TMEM72: variants seen among roughly 807,000 people sequenced by gnomAD.
The protein encoded by TMEM72 is transmembrane protein 72, also known as kidney-specific secretory protein of 37 kDa.
A neutral mutation model predicts 16.3 loss-of-function variants in TMEM72; 9 were observed. The observed-to-expected ratio is 0.55, with a 90% confidence interval of 0.33 to 0.96. The LOEUF (loss-of-function observed/expected upper bound fraction) is 0.96. Among genes scored for constraint, TMEM72 ranks in the 40% least tolerant of loss-of-function variants. The pLI, the probability that TMEM72 is intolerant of heterozygous loss-of-function variation, is 0.03. For synonymous variants in TMEM72, 160 were observed against 146.5 expected (o/e 1.09, Z -0.66); for missense variants, 324 against 337.8 (o/e 0.96, Z 0.32).
rs558686130 is a variant in TMEM72 at position 44,928,258 on chromosome 10, C to T, written c.137+271C>T. ...TCCATCCATCTGCCCATCCATTCGT[C>T]AGCCCACCCATCCATCCACTCACCC... On this transcript the variant is annotated intron_variant, in intron 2 of 4. Transcript: ENST00000389583. Among the ~76,000 whole-genome samples the T allele has an allele frequency of 3.6e-3, 543 of 151,804 alleles. 1 individual carries two copies. The highest frequency in any genetic ancestry group is 5.9e-3 in the Non-Finnish European group (402 of 67,916).
At chr10:44,933,144 G>C (rs540238688) in intron 3 of TMEM72, among the ~76,000 whole-genome samples, 1 of 152,226 alleles carries the variant, frequency 6.6e-6, no homozygotes, top group Non-Finnish European at 1.5e-5. Context: ...TATACAGTTA[G>C]AAAAGAAGCC....
chr10:44,933,491 A>C, intron 3 of TMEM72, 146 bp from the exon 4 acceptor site: 1 of 1,120,586 alleles, frequency 8.9e-7, no homozygotes, highest in Non-Finnish European at 1.2e-6. Context: ...TGTGGAACCC[A>C]CACCAAGGAC....
At chr10:44,924,805 C>G (rs1015192424) in intron 1 of TMEM72, among the ~76,000 whole-genome samples, 1 of 152,248 alleles carries the variant, frequency 6.6e-6, no homozygotes, top group East Asian at 1.9e-4. Flanking sequence ...CCTGGCTCCC[C>G]ACACTCTCCT....
At chr10:44,917,196 T>A (rs7923091) in intron 1 of TMEM72, among the ~76,000 whole-genome samples, 8 of 152,016 alleles carry the variant, frequency 5.3e-5, no homozygotes, top group Non-Finnish European at 1.2e-4. Context: ...CCTGGGACAA[T>A]CACTGTATCT....
At chr10:44,927,170 C>T (rs144030052) in intron 1 of TMEM72, among the ~76,000 whole-genome samples, 1 of 152,180 alleles carries the variant, frequency 6.6e-6, no homozygotes, top group Admixed American at 6.5e-5. Context: ...GTCAGCAGGC[C>T]GATGCACTGC....
intron 1 of TMEM72, chr10:44,923,025 A>G (rs1175684635): frequency 6.6e-6 from 1 of 152,306 alleles, no homozygotes; most frequent in African/African-American, 2.4e-5. Flanking sequence ...TCATTTGATT[A>G]TACTCAAAAC....
chr10:44,917,028 C>G (rs1191614516), intron 1 of TMEM72, among the ~76,000 whole-genome samples: 1 of 152,086 alleles, frequency 6.6e-6, no homozygotes, highest in Non-Finnish European at 1.5e-5. Context: ...GTCCTGCATC[C>G]CCAGTCCTGA....
In TMEM72 at chr10:44,911,378, TG is replaced by T. The variant is rs1480608932; in HGVS notation, c.-133del. The T allele has an allele frequency of 1.2e-6, 1 of 859,108 alleles. No individual in the cohort carries two copies. Among genetic ancestry groups the T allele is most frequent in the East Asian group, 2.7e-5 (1 of 37,208 alleles). 53.2% of individuals were successfully genotyped at this position (859,108 alleles called of 1,614,324 possible). A position where few individuals can be genotyped will look rare whatever the true frequency, so the allele number is the denominator to read the frequency against. Reference sequence around the variant, plus strand: ...TCGGCCAGGCTGCGGTGGCCAGGACTGGTTTGGGAAGGCAGGGCCCCGGTGT... The same window carrying T: ...TCGGCCAGGCTGCGGTGGCCAGGACTGTTTGGGAAGGCAGGGCCCCGGTGT... On this transcript the variant is annotated 5_prime_UTR_variant, in exon 1 of 5. Coordinates refer to ENST00000389583, the MANE Select transcript of TMEM72 (RefSeq NM_001123376.3).
chr10:44,912,834 T>C (rs1051585492), intron 1 of TMEM72, among the ~76,000 whole-genome samples: 3 of 152,248 alleles, frequency 2.0e-5, no homozygotes, highest in South Asian at 4.1e-4. Context: ...ATCTAGGCCA[T>C]GAGTTAGATC....
Position 44,935,423 on chromosome 10 carries a change from C to T in TMEM72, c.*289C>T. On this transcript the variant is annotated 3_prime_UTR_variant, in exon 5 of 5. Transcript: ENST00000389583. ...CCCAACAAGACCATCACTGCCACTGCGCACGAGGCTGCAGGTGCCATTGAC... is the reference window on the plus strand; with the variant it reads ...CCCAACAAGACCATCACTGCCACTGTGCACGAGGCTGCAGGTGCCATTGAC... 1 of 366,270 alleles carries T rather than the reference C, an allele frequency of 2.7e-6. No homozygotes were observed. The highest frequency in any genetic ancestry group is 4.9e-6 in the Non-Finnish European group (1 of 203,606). 22.7% of individuals were successfully genotyped at this position (366,270 alleles called of 1,614,324 possible).
At chr10:44,925,463 T>C (rs1403061897) in intron 1 of TMEM72, among the ~76,000 whole-genome samples, 1 of 152,216 alleles carries the variant, frequency 6.6e-6, no homozygotes, top group Non-Finnish European at 1.5e-5. Context: ...AATGCAGGCA[T>C]CAGCCTGGAG....
chr10:44,935,387 C>T lies in TMEM72; in HGVS notation c.*253C>T, dbSNP rs1014727683. 9.1e-6 allele frequency: 4 copies of T among 440,962 alleles called. No homozygotes were observed. Among genetic ancestry groups the T allele is most frequent in the Non-Finnish European group, 1.6e-5 (4 of 249,246 alleles). The allele number at this position is 440,962 out of a possible 1,614,324, so 27.3% of individuals were successfully genotyped here. A position where few individuals can be genotyped will look rare whatever the true frequency, so the allele number is the denominator to read the frequency against. On this transcript the variant is annotated 3_prime_UTR_variant, in exon 5 of 5. Transcript: ENST00000389583. The stretch of plus-strand genomic sequence containing the variant: ...TCCTCCTGGCCACAGGTGGGGAAAC[C>T]CTTATGCTTCCCCAACAAGACCATC...
chr10:44,929,593 CG>C (rs1274962577), intron 2 of TMEM72, among the ~76,000 whole-genome samples: 5 of 152,242 alleles, frequency 3.3e-5, no homozygotes, highest in Admixed American at 1.3e-4. Flanking sequence ...CTCCCAGATG[CG>C]GTTCAGCCTC....
chr10:44,921,510 G>A (rs868494610), intron 1 of TMEM72, among the ~76,000 whole-genome samples: 1 of 152,220 alleles, frequency 6.6e-6, no homozygotes, highest in Non-Finnish European at 1.5e-5. Flanking sequence ...TCTGCGGGTA[G>A]CAGGGCCTTT....
chr10:44,916,781 T>C (rs574646058), intron 1 of TMEM72, among the ~76,000 whole-genome samples: 1 of 152,222 alleles, frequency 6.6e-6, no homozygotes, highest in African/African-American at 2.4e-5. Context: ...CAACAGGCAA[T>C]AGGATTTGGT....
At chr10:44,926,420 C>T (rs888537181) in intron 1 of TMEM72, among the ~76,000 whole-genome samples, 17 of 152,192 alleles carry the variant, frequency 1.1e-4, no homozygotes, top group African/African-American at 3.9e-4. Context: ...GAGAGTGGGA[C>T]TCCTGTGCCA....
intron 1 of TMEM72, among the ~76,000 whole-genome samples, chr10:44,912,805 G>A (rs899937194): frequency 6.6e-6 from 1 of 152,188 alleles, no homozygotes; most frequent in Non-Finnish European, 1.5e-5. Context: ...CCGTGAGCTG[G>A]CCAGTGGGCT....
chr10:44,924,139 T>C (rs1366686591), intron 1 of TMEM72, among the ~76,000 whole-genome samples: 3 of 152,116 alleles, frequency 2.0e-5, no homozygotes, highest in Non-Finnish European at 4.4e-5. Flanking sequence ...GCCCAATATT[T>C]AAGAACCCCA....
chr10:44,924,506 G>A (rs529879846), intron 1 of TMEM72, among the ~76,000 whole-genome samples: 2 of 146,740 alleles, frequency 1.4e-5, no homozygotes, highest in African/African-American at 2.5e-5. Flanking sequence ...GGTGGGCCTC[G>A]GAGAAGCGGC....
Sources: gnomAD v4.1 joint callset for allele counts (sites outside exome capture counted in the v4.1 genomes callset) on GRCh38, gnomAD v4.1.1 for gene constraint, MANE v1.5 for transcripts, NCBI Gene and HGNC (gene_info 2026-07-23, HGNC 2026-07-21) for gene names.